DNAAF10: variants seen among roughly 807,000 people sequenced by gnomAD.
DNAAF10 encodes the protein dynein axonemal assembly factor 10, also known as WD repeat domain 92.
Under a neutral mutation model 43.7 loss-of-function variants are expected in DNAAF10, and 28 were observed. The observed-to-expected ratio is 0.64, with a 90% confidence interval of 0.48 to 0.88. DNAAF10 has a LOEUF of 0.88. DNAAF10 is among the 40% of genes least tolerant of loss of function. The pLI, the probability that DNAAF10 is intolerant of heterozygous loss-of-function variation, is 0.00. For missense variants in DNAAF10, 403 were observed against 439.1 expected (o/e 0.92, Z 0.73); for synonymous variants, 156 against 157.3 (o/e 0.99, Z 0.06).
chr2:68,157,402 C>T lies in DNAAF10; in HGVS notation c.42G>A (p.Gln14=). The T allele has an allele frequency of 6.2e-7, 1 of 1,614,196 alleles. No individual in the cohort carries two copies. Among genetic ancestry groups the T allele is most frequent in the African/African-American group, 1.3e-5 (1 of 75,046 alleles). The part of the protein sequence containing the change: ...FEKPQIIAHI[Q]KGFNYTVFDC... ...CAAACACCGTGTAGTTGAAGCCCTT[C>T]TGGATATGGGCGATGATCTGAGGCT... The change falls in exon 1 of 8, where the codon CAG becomes CAA. Residue 14 remains glutamine (Q), a synonymous_variant. Transcript: ENST00000295121.
rs1453152500 is a variant in DNAAF10 at position 68,130,115 on chromosome 2, G to GAGAGATATATATATATATATATATAT, written c.*1122_*1123insATATATATATATATATATATATCTCT. 1.1e-4 allele frequency: 15 copies of GAGAGATATATATATATATATATATAT among 132,948 alleles called. No individual in the cohort carries two copies. The highest frequency in any genetic ancestry group is 4.1e-4 in the African/African-American group (14 of 34,264). 8.2% of individuals were successfully genotyped at this position (132,948 alleles called of 1,614,324 possible). ...CAACCGTGCCGTTTTGAGAGAGAGA[G>GAGAGATATATATATATATATATATAT]ATATATATATATATATTTGTTTTTT... On this transcript the variant is annotated 3_prime_UTR_variant, in exon 8 of 8. Coordinates refer to ENST00000295121, the MANE Select transcript of DNAAF10 (RefSeq NM_138458.4).
At chr2:68,156,832 C>CTCATCTCG (rs1368493034) in intron 1 of DNAAF10, 1 of 193,714 alleles carries the variant, frequency 5.2e-6, no homozygotes, top group Non-Finnish European at 1.1e-5. Flanking sequence ...TGTGAGACAA[C>CTCATCTCG]TCATCTCGGT....
chr2:68,152,591 T>C (rs1481764752), intron 1 of DNAAF10, among the ~76,000 whole-genome samples: 1 of 151,974 alleles, frequency 6.6e-6, no homozygotes, highest in Non-Finnish European at 1.5e-5. Flanking sequence ...AAGTTGGTGG[T>C]AAATCAAAAT....
In DNAAF10 at chr2:68,129,807, A is replaced by G. The variant is rs1672888222; in HGVS notation, c.*1431T>C. ...AATTAAGCATTTATAAAGCAAAATG[A>G]TGTGACAATGTTAACTTTATTACTA... On this transcript the variant is annotated 3_prime_UTR_variant, in exon 8 of 8. Coordinates refer to ENST00000295121, the MANE Select transcript of DNAAF10 (RefSeq NM_138458.4). The G allele has an allele frequency of 6.6e-6, 1 of 152,100 alleles. No homozygotes were observed. Among genetic ancestry groups the G allele is most frequent in the African/African-American group, 2.4e-5 (1 of 41,428 alleles). The allele number at this position is 152,100 out of a possible 1,614,324, so 9.4% of individuals were successfully genotyped here.
intron 1 of DNAAF10, among the ~76,000 whole-genome samples, chr2:68,156,501 T>C (rs1673619303): frequency 1.3e-5 from 2 of 152,228 alleles, no homozygotes; most frequent in Admixed American, 6.5e-5. Context: ...CTTTCACTAG[T>C]AATCTTCAAA....
At chr2:68,149,542 G>C (rs544825018) in intron 1 of DNAAF10, among the ~76,000 whole-genome samples, 151 of 152,236 alleles carry the variant, frequency 9.9e-4, no homozygotes, top group African/African-American at 3.3e-3. Flanking sequence ...TTATGAAAAA[G>C]AGTATCTGAA....
intron 7 of DNAAF10, among the ~76,000 whole-genome samples, chr2:68,133,030 C>T (rs576414149): frequency 3.9e-5 from 6 of 152,274 alleles, no homozygotes; most frequent in Admixed American, 1.3e-4. Context: ...TAGTGATGTG[C>T]CACCACATGG....
intron 1 of DNAAF10, 41 bp from the exon 2 acceptor site, chr2:68,147,608 A>G: frequency 6.9e-7 from 1 of 1,449,134 alleles, no homozygotes; most frequent in African/African-American, 1.4e-5. Flanking sequence ...TATTTATGTA[A>G]GCAGATATTT....
intron 2 of DNAAF10, among the ~76,000 whole-genome samples, chr2:68,145,886 A>AT (rs1481946508): frequency 2.0e-5 from 3 of 152,128 alleles, no homozygotes; most frequent in Non-Finnish European, 4.4e-5. Context: ...TAACTTACAG[A>AT]TTTTTTAAAT....
At chr2:68,143,629 G>A (rs953482500) in intron 3 of DNAAF10, among the ~76,000 whole-genome samples, 7 of 152,264 alleles carry the variant, frequency 4.6e-5, no homozygotes, top group Admixed American at 4.6e-4. Flanking sequence ...GTTAAGTACG[G>A]CCATATGATG....
intron 1 of DNAAF10, 91 bp from the exon 2 acceptor site, chr2:68,147,658 T>C (rs1440963611): frequency 1.0e-5 from 9 of 880,938 alleles, no homozygotes; most frequent in Non-Finnish European, 1.5e-5. Flanking sequence ...TATTATGGCA[T>C]TTAAATAAGA....
In DNAAF10 at chr2:68,157,518, A is replaced by C; in HGVS notation, c.-75T>G. 6.3e-7 allele frequency: 1 copy of C among 1,594,632 alleles called. No individual in the cohort carries two copies. The highest frequency in any genetic ancestry group is 1.3e-5 in the African/African-American group (1 of 74,636). On this transcript the variant is annotated 5_prime_UTR_variant, in exon 1 of 8. Coordinates refer to ENST00000295121, the MANE Select transcript of DNAAF10 (RefSeq NM_138458.4). ...AACGGCAACCTGGAAACCAGACTCC[A>C]AACATTGGCAATTTGTCCCTCCCGC...
chr2:68,144,600 T>G lies in DNAAF10; in HGVS notation c.400A>C (p.Thr134Pro). ...GIGEGAPEIV[T>P]GSRDGTVKVW... Reference sequence around the variant, plus strand: ...AGGGACTCACCATCTCGGCTGCCAGTCACAATTTCAGGTGCTCCTTCTCCA... The same window carrying G: ...AGGGACTCACCATCTCGGCTGCCAGGCACAATTTCAGGTGCTCCTTCTCCA... The change falls in exon 3 of 8, where the codon ACT (threonine) becomes CCT (proline). Residue 134 changes from threonine to proline, a missense_variant. Thr to Pro is a conservative substitution (Grantham distance 38). Coordinates refer to ENST00000295121, the MANE Select transcript of DNAAF10 (RefSeq NM_138458.4). 1 of 1,613,622 alleles carries G rather than the reference T, an allele frequency of 6.2e-7. No homozygotes were observed.
In DNAAF10 at chr2:68,138,826, A is replaced by C; in HGVS notation, c.549T>G (p.Val183=). 6.2e-7 allele frequency: 1 copy of C among 1,614,130 alleles called. No homozygotes were observed. Among genetic ancestry groups the C allele is most frequent in the Non-Finnish European group, 8.5e-7 (1 of 1,179,960 alleles). ...TATCCCCATTGTCATAGCCAGCACA[A>C]ACAACACGTTCTTCTTGATTATAAG... ...GNAYNQEERV[V]CAGYDNGDIK... is the part of the protein sequence containing the mutation. Residue 183 remains valine (V), a synonymous_variant, in exon 5 of 8, where the codon GTT becomes GTG. Transcript: ENST00000295121.
At chr2:68,154,759 C>T (rs762230370) in intron 1 of DNAAF10, among the ~76,000 whole-genome samples, 3 of 152,024 alleles carry the variant, frequency 2.0e-5, no homozygotes, top group African/African-American at 4.8e-5. Context: ...GAAATACATA[C>T]AAATCATATA....
Position 68,144,587 on chromosome 2 carries a change from T to C in DNAAF10, c.413A>G (p.Asp138Gly), listed in dbSNP as rs1286976871. ...ATACATAGAATACAGGGACTCACCATCTCGGCTGCCAGTCACAATTTCAGG... is the reference window on the plus strand; with the variant it reads ...ATACATAGAATACAGGGACTCACCACCTCGGCTGCCAGTCACAATTTCAGG... Reference protein sequence around the residue: ...GAPEIVTGSRDGTVKVWDPRQ... With the variant: ...GAPEIVTGSRGGTVKVWDPRQ... Residue 138 changes from aspartate (D) to glycine (G), a missense_variant and splice_region_variant, in exon 3 of 8, where the codon GAT (aspartate) becomes GGT (glycine). By Grantham distance (94) the Asp-to-Gly change is moderately conservative. Transcript: ENST00000295121. The C allele has an allele frequency of 8.1e-6, 13 of 1,613,648 alleles. No individual in the cohort carries two copies. Among genetic ancestry groups the C allele is most frequent in the Non-Finnish European group, 1.1e-5 (13 of 1,179,944 alleles).
rs1045433166 is a variant in DNAAF10 at position 68,129,918 on chromosome 2, A to C, written c.*1320T>G. ...ATGCATTTTTAAAGTATGACCAAAAATAAGACTACAAAACCCCTACAATCT... is the reference window on the plus strand; with the variant it reads ...ATGCATTTTTAAAGTATGACCAAAACTAAGACTACAAAACCCCTACAATCT... On this transcript the variant is annotated 3_prime_UTR_variant, in exon 8 of 8. Transcript: ENST00000295121. The C allele has an allele frequency of 6.6e-6, 1 of 152,034 alleles. No individual in the cohort carries two copies. Among genetic ancestry groups the C allele is most frequent in the Non-Finnish European group, 1.5e-5 (1 of 67,998 alleles). 9.4% of individuals were successfully genotyped at this position (152,034 alleles called of 1,614,324 possible).
Position 68,157,513 on chromosome 2 carries a change from A to C in DNAAF10, c.-70T>G. On this transcript the variant is annotated 5_prime_UTR_variant, in exon 1 of 8. Coordinates refer to ENST00000295121, the MANE Select transcript of DNAAF10 (RefSeq NM_138458.4). ...CCAAAAACGGCAACCTGGAAACCAG[A>C]CTCCAAACATTGGCAATTTGTCCCT... 1 of 1,603,424 alleles carries C rather than the reference A, an allele frequency of 6.2e-7. No individual in the cohort carries two copies.
rs373198107 is a variant in DNAAF10 at position 68,131,319 on chromosome 2, T to G, written c.993A>C (p.Pro331=). The change falls in exon 8 of 8, where the codon CCA becomes CCC. Residue 331 remains proline, a synonymous_variant. Transcript: ENST00000295121. ...TQPISSLDWS[P]DKRGLCVCSS... is the part of the protein sequence containing the mutation. ...TACAGACGCAGAGACCCCTTTTATCTGGACTCCAATCCAAACTTGAAATGG... is the reference window on the plus strand; with the variant it reads ...TACAGACGCAGAGACCCCTTTTATCGGGACTCCAATCCAAACTTGAAATGG... The G allele has an allele frequency of 2.5e-6, 4 of 1,614,026 alleles. No individual in the cohort carries two copies. In the African/African-American group the frequency reaches 5.3e-5, roughly 22 times the overall value.
Sources: gnomAD v4.1 joint callset for allele counts (sites outside exome capture counted in the v4.1 genomes callset) on GRCh38, gnomAD v4.1.1 for gene constraint, MANE v1.5 for transcripts, NCBI Gene and HGNC (gene_info 2026-07-23, HGNC 2026-07-21) for gene names.